PPM1H: variants seen among roughly 807,000 people sequenced by gnomAD.
PPM1H encodes protein phosphatase 1H.
In PPM1H, 27 loss-of-function variants were observed where a neutral mutation model predicts 54.9. The observed-to-expected ratio is 0.49, with a 90% CI of 0.36 to 0.68. PPM1H has a LOEUF of 0.68. PPM1H is among the 30% of genes least tolerant of loss of function. The pLI is 0.00. For synonymous variants in PPM1H, 305 were observed against 270.8 expected (o/e 1.13, Z -1.24); for missense variants, 596 against 667.8 (o/e 0.89, Z 1.19).
At chr12:62,704,729 C>T (rs1358592933) in intron 6 of PPM1H, among the ~76,000 whole-genome samples, 1 of 152,198 alleles carries the variant, frequency 6.6e-6, no homozygotes, top group Non-Finnish European at 1.5e-5. Context: ...CTGCTCATCT[C>T]CTTAGCCACA....
intron 1 of PPM1H, among the ~76,000 whole-genome samples, chr12:62,911,636 T>C (rs1871463344): frequency 6.6e-6 from 1 of 152,220 alleles, no homozygotes; most frequent in Non-Finnish European, 1.5e-5. Flanking sequence ...AGAGAATGGG[T>C]TGGCTGATTC....
At chr12:62,716,720 G>C (rs928953978) in intron 6 of PPM1H, among the ~76,000 whole-genome samples, 1 of 151,996 alleles carries the variant, frequency 6.6e-6, no homozygotes, top group African/African-American at 2.4e-5. Flanking sequence ...TATAGAGATG[G>C]GGTCTCCTTA....
chr12:62,830,932 C>T (rs904096356), intron 2 of PPM1H, among the ~76,000 whole-genome samples: 1 of 152,068 alleles, frequency 6.6e-6, no homozygotes, highest in Non-Finnish European at 1.5e-5. Flanking sequence ...CAGCTCACTG[C>T]AAGCTCTGCC....
chr12:62,669,329 A>G (rs2075940349), intron 8 of PPM1H, among the ~76,000 whole-genome samples: 1 of 152,204 alleles, frequency 6.6e-6, no homozygotes, highest in East Asian at 1.9e-4. Context: ...TCGGTGTGTT[A>G]GAGCAGAGCT....
rs527478899 is a variant in PPM1H at position 62,735,466 on chromosome 12, C to A, written c.954+2036G>T. Among the ~76,000 whole-genome samples, 3 of 152,298 alleles carry A rather than the reference C, an allele frequency of 2.0e-5. No homozygotes were observed. In the East Asian group the frequency reaches 5.8e-4, roughly 29 times the overall value. On this transcript the variant is annotated intron_variant, in intron 5 of 9. Transcript: ENST00000228705. ...CTCCTGGGCTCAAGCGATCCTCCCA[C>A]CTCAGCCTTCCAAAGTGCTGGGATT...
intron 2 of PPM1H, among the ~76,000 whole-genome samples, chr12:62,808,059 T>C (rs2076815634): frequency 6.6e-6 from 1 of 152,186 alleles, no homozygotes; most frequent in Non-Finnish European, 1.5e-5. Context: ...GCTAGTGAAC[T>C]GGGCTCAAGC....
At chr12:62,828,808 T>C (rs1374900810) in intron 2 of PPM1H, among the ~76,000 whole-genome samples, 2 of 152,268 alleles carry the variant, frequency 1.3e-5, no homozygotes, top group East Asian at 3.9e-4. Context: ...TGAATAGACA[T>C]TTCTCTGAAG....
chr12:62,724,379 G>C (rs2076278799), intron 5 of PPM1H, among the ~76,000 whole-genome samples: 1 of 152,126 alleles, frequency 6.6e-6, no homozygotes, highest in Non-Finnish European at 1.5e-5. Context: ...AGGATGAGTG[G>C]GCCCTTTGAT....
rs558941928 is a variant in PPM1H, at chr12:62,838,343, G to T, written c.246-6064C>A. 1.0e-4 allele frequency among the ~76,000 whole-genome samples: 15 copies of T among 145,384 alleles called. No individual in the cohort carries two copies. In the East Asian group the frequency reaches 1.7e-3, roughly 17 times the overall value. ...AAATACAGTGTGTGTGTGTGTGGGG[G>T]GGGGGAGATGAATAACTTATGGAAG... On this transcript the variant is annotated intron_variant, in intron 1 of 9. Transcript: ENST00000228705.
At chr12:62,658,126 G>T (rs545212047) in intron 9 of PPM1H, among the ~76,000 whole-genome samples, 17 of 147,696 alleles carry the variant, frequency 1.2e-4, no homozygotes, top group Admixed American at 2.0e-4. Context: ...CAGCACTTTG[G>T]GAGGCCAAGG....
At chr12:62,719,939 T>C (rs2076254551) in intron 6 of PPM1H, among the ~76,000 whole-genome samples, 1 of 152,220 alleles carries the variant, frequency 6.6e-6, no homozygotes, top group African/African-American at 2.4e-5. Flanking sequence ...GTCAGTTTCC[T>C]GGGGTCCAAT....
intron 6 of PPM1H, among the ~76,000 whole-genome samples, chr12:62,713,038 C>A (rs1180065827): frequency 1.3e-5 from 2 of 152,146 alleles, no homozygotes; most frequent in Non-Finnish European, 2.9e-5. Flanking sequence ...TTGAAGAGAG[C>A]AATAAAGAAT....
chr12:62,808,402 T>C lies in PPM1H; in HGVS notation c.412-6242A>G, dbSNP rs994311737. Among the ~76,000 whole-genome samples, 3 of 152,166 alleles carry C rather than the reference T, an allele frequency of 2.0e-5. No homozygotes were observed. The South Asian group carries it at 6.2e-4, about 32-fold the overall frequency. ...CCCTACCACCAGAGGGAAGGTTGCCTTAATTTATACATAGTGCCATAGTCC... is the reference window on the plus strand; with the variant it reads ...CCCTACCACCAGAGGGAAGGTTGCCCTAATTTATACATAGTGCCATAGTCC... On this transcript the variant is annotated intron_variant, in intron 2 of 9. Coordinates refer to ENST00000228705, the MANE Select transcript of PPM1H (RefSeq NM_020700.2).
At chr12:62,737,829 A>G (rs2076358979) in intron 4 of PPM1H, among the ~76,000 whole-genome samples, 1 of 152,018 alleles carries the variant, frequency 6.6e-6, no homozygotes, top group Admixed American at 6.5e-5. Flanking sequence ...AGTGTGCCTT[A>G]ATGCTCCAGC....
intron 2 of PPM1H, among the ~76,000 whole-genome samples, chr12:62,804,679 T>G (rs1565793732): frequency 7.1e-6 from 1 of 141,350 alleles, no homozygotes; most frequent in Non-Finnish European, 1.5e-5. Flanking sequence ...TTTTTTTCTT[T>G]TTTTTTTTTT....
At chr12:62,843,053 C>A (rs546205194) in intron 1 of PPM1H, among the ~76,000 whole-genome samples, 1 of 152,188 alleles carries the variant, frequency 6.6e-6, no homozygotes, top group Non-Finnish European at 1.5e-5. Context: ...TGGTGGCTCA[C>A]GCTTGTAATT....
intron 4 of PPM1H, among the ~76,000 whole-genome samples, chr12:62,761,829 T>C (rs2076511171): frequency 6.6e-6 from 1 of 152,208 alleles, no homozygotes; most frequent in Non-Finnish European, 1.5e-5. Context: ...GCCTTAATTT[T>C]ACCCATGGGG....
intron 8 of PPM1H, among the ~76,000 whole-genome samples, chr12:62,684,014 T>G (rs1020030969): frequency 6.6e-6 from 1 of 152,196 alleles, no homozygotes; most frequent in African/African-American, 2.4e-5. Context: ...TGGGCTCCAG[T>G]GCGTTTGAGT....
intron 8 of PPM1H, among the ~76,000 whole-genome samples, chr12:62,682,746 C>A (rs181849435): frequency 1.3e-5 from 2 of 152,228 alleles, no homozygotes. Flanking sequence ...TCAGGTGATC[C>A]TCCCACTTCA....
Sources: allele counts gnomAD v4.1 joint callset (sites outside exome capture counted in the v4.1 genomes callset), GRCh38; gene constraint gnomAD v4.1.1; transcripts MANE v1.5; gene names NCBI Gene and HGNC (gene_info 2026-07-23, HGNC 2026-07-21).